SOX5: variants seen among roughly 807,000 people sequenced by gnomAD.
The protein encoded by SOX5 is SRY-box transcription factor 5.
Under a neutral mutation model 92.0 loss-of-function variants are expected in SOX5, and 9 were observed. The observed-to-expected ratio is 0.10, with a 90% confidence interval of 0.06 to 0.17. The LOEUF is 0.17. Ranked by LOEUF, SOX5 falls within the 10% of genes least tolerant of loss-of-function variation. The pLI, the probability that SOX5 is intolerant of heterozygous loss-of-function variation, is 1.00. For missense variants in SOX5, 642 were observed against 944.5 expected (o/e 0.68, Z 4.20); for synonymous variants, 344 against 336.3 (o/e 1.02, Z -0.25).
chr12:23,877,518 C>A (rs2096940641), intron 2 of SOX5, among the ~76,000 whole-genome samples: 1 of 151,972 alleles, frequency 6.6e-6, no homozygotes, highest in Non-Finnish European at 1.5e-5. Context: ...TTTATATAGC[C>A]CCATTTGCCA....
In SOX5 at chr12:23,715,232, A is replaced by G. The variant is rs185207578; in HGVS notation, c.810+19452T>C. On this transcript the variant is annotated intron_variant, in intron 6 of 14. Transcript: ENST00000451604. Reference sequence around the variant, plus strand: ...GAGAATGGCGTGAACCCAGGAGGCGAAGCTTGCAGTGAGCCGAGATAGTGC... The same window carrying G: ...GAGAATGGCGTGAACCCAGGAGGCGGAGCTTGCAGTGAGCCGAGATAGTGC... Among the ~76,000 whole-genome samples, 825 of 151,724 alleles carry G rather than the reference A, an allele frequency of 5.4e-3. 6 individuals carry two copies. The highest frequency in any genetic ancestry group is 0.019 in the African/African-American group (788 of 41,206).
intron 4 of SOX5, among the ~76,000 whole-genome samples, chr12:23,994,499 G>A (rs889909151): frequency 2.0e-5 from 3 of 151,910 alleles, no homozygotes; most frequent in South Asian, 4.1e-4. Context: ...TATCTGTATC[G>A]GTTAAATACA....
chr12:23,816,687 G>A (rs1325229902), intron 3 of SOX5, among the ~76,000 whole-genome samples: 1 of 152,160 alleles, frequency 6.6e-6, no homozygotes, highest in Non-Finnish European at 1.5e-5. Context: ...GCAGGCAACT[G>A]AGCATTGTTA....
chr12:23,540,138 G>A (rs1165319339), intron 13 of SOX5, among the ~76,000 whole-genome samples: 2 of 151,456 alleles, frequency 1.3e-5, no homozygotes, highest in African/African-American at 2.4e-5. Context: ...TGATTTGGGG[G>A]TGGCTGGCTG....
chr12:24,392,844 A>G (rs1959136490), intron 1 of SOX5, among the ~76,000 whole-genome samples: 1 of 152,116 alleles, frequency 6.6e-6, no homozygotes. Flanking sequence ...ATAACTTATA[A>G]TAATACATTT....
At chr12:23,984,717 G>C (rs1454607388) in intron 4 of SOX5, among the ~76,000 whole-genome samples, 1 of 152,120 alleles carries the variant, frequency 6.6e-6, no homozygotes, top group Non-Finnish European at 1.5e-5. Context: ...CAAACTATAG[G>C]CCTTTTCAGT....
At chr12:24,008,049 T>C (rs1952511588) in intron 4 of SOX5, among the ~76,000 whole-genome samples, 1 of 151,888 alleles carries the variant, frequency 6.6e-6, no homozygotes, top group Non-Finnish European at 1.5e-5. Context: ...ACCAGAAACG[T>C]CTATAGAGAG....
intron 4 of SOX5, among the ~76,000 whole-genome samples, chr12:24,038,807 A>C (rs1956278821): frequency 6.6e-6 from 1 of 152,196 alleles, no homozygotes; most frequent in South Asian, 2.1e-4. Context: ...AGTCTTCTGC[A>C]CTGCAATACT....
intron 1 of SOX5, among the ~76,000 whole-genome samples, chr12:24,465,888 C>T (rs1343683001): frequency 1.3e-5 from 2 of 152,146 alleles, no homozygotes; most frequent in East Asian, 1.9e-4. Context: ...ATTGCAGACA[C>T]GAGGGCTGTC....
At chr12:23,778,361 G>C (rs1156350302) in intron 3 of SOX5, among the ~76,000 whole-genome samples, 1 of 152,148 alleles carries the variant, frequency 6.6e-6, no homozygotes, top group East Asian at 1.9e-4. Context: ...GAGGTTAAGT[G>C]AACCAAGTTT....
chr12:24,167,490 G>C (rs1953552041), intron 4 of SOX5, among the ~76,000 whole-genome samples: 1 of 152,176 alleles, frequency 6.6e-6, no homozygotes, highest in East Asian at 1.9e-4. Context: ...GCAGCACTGT[G>C]ATTTCTACTG....
At chr12:23,678,403 T>G (rs2086048224) in intron 6 of SOX5, among the ~76,000 whole-genome samples, 1 of 152,166 alleles carries the variant, frequency 6.6e-6, no homozygotes, top group African/African-American at 2.4e-5. Flanking sequence ...ATGAATTATG[T>G]AATACCATGG....
chr12:24,150,387 T>TC (rs1951535004), intron 4 of SOX5, among the ~76,000 whole-genome samples: 1 of 152,194 alleles, frequency 6.6e-6, no homozygotes, highest in Admixed American at 6.5e-5. Context: ...GAAAATATCA[T>TC]TAATTTGAAA....
chr12:23,714,137 T>C (rs1176372080), intron 6 of SOX5, among the ~76,000 whole-genome samples: 1 of 151,906 alleles, frequency 6.6e-6, no homozygotes, highest in African/African-American at 2.4e-5. Context: ...TCCTTGTTGG[T>C]ACATTTGCTC....
chr12:24,430,447 G>GTA (rs1462332359), intron 1 of SOX5, among the ~76,000 whole-genome samples: 1 of 151,250 alleles, frequency 6.6e-6, no homozygotes, highest in Admixed American at 6.6e-5. Flanking sequence ...ATTTATGAGG[G>GTA]TATATATATA....
At chr12:23,688,530 A>G (rs1256003744) in intron 6 of SOX5, among the ~76,000 whole-genome samples, 1 of 152,080 alleles carries the variant, frequency 6.6e-6, no homozygotes, top group East Asian at 1.9e-4. Context: ...TTGTAAAGTT[A>G]TATGAGTGGC....
At chr12:24,324,847 A>G (rs79669710) in intron 2 of SOX5, among the ~76,000 whole-genome samples, 9,980 of 152,102 alleles carry the variant, frequency 0.066, 373 homozygotes, top group Non-Finnish European at 0.079. Flanking sequence ...GAGGTAGTCA[A>G]TAAAGGTTAG....
intron 4 of SOX5, among the ~76,000 whole-genome samples, chr12:23,743,422 A>T (rs1336080976): frequency 1.3e-5 from 2 of 151,712 alleles, no homozygotes; most frequent in Non-Finnish European, 2.9e-5. Flanking sequence ...CGATTCTCCT[A>T]CCTCAGCCTC....
chr12:23,653,172 G>T (rs867436528), intron 7 of SOX5, among the ~76,000 whole-genome samples: 2 of 151,866 alleles, frequency 1.3e-5, no homozygotes, highest in Non-Finnish European at 2.9e-5. Flanking sequence ...CCCTGAATTG[G>T]TCTCATGTCC....
Sources: allele counts gnomAD v4.1 joint callset (sites outside exome capture counted in the v4.1 genomes callset), GRCh38; gene constraint gnomAD v4.1.1; transcripts MANE v1.5; gene names NCBI Gene and HGNC (gene_info 2026-07-23, HGNC 2026-07-21).